Variants in TBCD observed in about 807,000 individuals in gnomAD.
TBCD encodes tubulin folding cofactor D, also known as tubulin-specific chaperone D.
A neutral mutation model predicts 169.3 loss-of-function variants in TBCD; 105 were observed. That is an observed-to-expected ratio of 0.62 (90% CI 0.53 to 0.73). TBCD has a LOEUF of 0.73. Ranked by LOEUF, TBCD falls within the 30% of genes least tolerant of loss-of-function variation. TBCD has a pLI of 0.00. For missense variants in TBCD, 1,444 were observed against 1,600.1 expected (o/e 0.90, Z 1.66); for synonymous variants, 700 against 643.9 (o/e 1.09, Z -1.32).
At chr17:82,777,320 G>C (rs2048660482) in intron 6 of TBCD, among the ~76,000 whole-genome samples, 1 of 152,194 alleles carries the variant, frequency 6.6e-6, no homozygotes. Context: ...CACAAGGTCG[G>C]TGGGTTTCTC....
Position 82,927,330 on chromosome 17 carries a change from A to C in TBCD, c.2609+7A>C. On this transcript the variant is annotated splice_region_variant and intron_variant, in intron 29 of 38. Transcript: ENST00000355528. Reference sequence around the variant, plus strand: ...GAGGGGACGTGGGCACCTGGTACGTACGTAGCAGTGGGTGAGCGCTTCTTC... The same window carrying C: ...GAGGGGACGTGGGCACCTGGTACGTCCGTAGCAGTGGGTGAGCGCTTCTTC... 6.2e-7 allele frequency: 1 copy of C among 1,613,132 alleles called. No homozygotes were observed. Among genetic ancestry groups the C allele is most frequent in the Non-Finnish European group, 8.5e-7 (1 of 1,179,494 alleles).
intron 15 of TBCD, among the ~76,000 whole-genome samples, chr17:82,888,694 G>GGGGGTGGGGGCACAGACCC (rs1218037689): frequency 5.9e-5 from 9 of 151,960 alleles, no homozygotes; most frequent in Non-Finnish European, 1.3e-4. Flanking sequence ...CTTTTCCCTG[G>GGGGGTGGGGGCACAGACCC]GGGGTGGGGG....
intron 20 of TBCD, among the ~76,000 whole-genome samples, chr17:82,906,781 C>G (rs1230017077): frequency 1.3e-5 from 2 of 152,392 alleles, no homozygotes; most frequent in Non-Finnish European, 2.9e-5. Context: ...TGAGGAAGCT[C>G]TGGTCGGCCC....
chr17:82,823,221 G>C (rs2052557465), intron 13 of TBCD, among the ~76,000 whole-genome samples: 1 of 152,188 alleles, frequency 6.6e-6, no homozygotes, highest in South Asian at 2.1e-4. Context: ...TGTCTGTCCA[G>C]CCCTGGCTGT....
intron 21 of TBCD, 93 bp downstream of exon 21, chr17:82,907,914 C>G: frequency 7.4e-7 from 1 of 1,344,200 alleles, no homozygotes; most frequent in Non-Finnish European, 1.0e-6. Context: ...GTCTGCAGTC[C>G]TGGTGGCCAC....
At chr17:82,866,889 G>A (rs2057211473) in intron 13 of TBCD, among the ~76,000 whole-genome samples, 1 of 152,272 alleles carries the variant, frequency 6.6e-6, no homozygotes, top group African/African-American at 2.4e-5. Flanking sequence ...AGACAGAGGA[G>A]TGCGCCAGGT....
chr17:82,849,440 C>G (rs1481128977), intron 13 of TBCD, among the ~76,000 whole-genome samples: 1 of 152,232 alleles, frequency 6.6e-6, no homozygotes, highest in Non-Finnish European at 1.5e-5. Flanking sequence ...ATTTCCAGAC[C>G]TTGGTTTTGG....
intron 14 of TBCD, among the ~76,000 whole-genome samples, chr17:82,882,510 C>T (rs952932077): frequency 1.3e-5 from 2 of 152,198 alleles, no homozygotes; most frequent in African/African-American, 4.8e-5. Context: ...TCAGCATCCC[C>T]GAGCCCATGC....
chr17:82,940,625 T>TA (rs2063113707), intron 37 of TBCD, among the ~76,000 whole-genome samples: 1 of 151,320 alleles, frequency 6.6e-6, no homozygotes, highest in Non-Finnish European at 1.5e-5. Flanking sequence ...TGGGGAGGAG[T>TA]GTGTGTCTGC....
chr17:82,852,352 G>A (rs1262999009), intron 13 of TBCD, among the ~76,000 whole-genome samples: 1 of 152,098 alleles, frequency 6.6e-6, no homozygotes, highest in Non-Finnish European at 1.5e-5. Context: ...TCCATCGTGT[G>A]GCATCTTAGT....
At chr17:82,909,056 T>G (rs1053283684) in intron 21 of TBCD, among the ~76,000 whole-genome samples, 1 of 152,166 alleles carries the variant, frequency 6.6e-6, no homozygotes, top group Non-Finnish European at 1.5e-5. Context: ...CTCCTCCCTC[T>G]CTCTGTGCCT....
intron 13 of TBCD, chr17:82,860,454 G>A: frequency 2.0e-6 from 2 of 985,328 alleles, no homozygotes; most frequent in Non-Finnish European, 2.4e-6. Flanking sequence ...ACCACGGTGG[G>A]TTTCATTAAC....
intron 19 of TBCD, among the ~76,000 whole-genome samples, chr17:82,905,202 C>T (rs1204455844): frequency 2.0e-5 from 3 of 152,208 alleles, no homozygotes; most frequent in East Asian, 3.8e-4. Flanking sequence ...GCCCAGGCAG[C>T]CAGGCAGAGC....
Position 82,768,411 on chromosome 17 carries a change from A to G in TBCD, c.436-9A>G. ...CAAGACTCATTCTTCCCGTGGTTTA[A>G]TTTTTTAGGCTTGGGAAACCCGCTA... On this transcript the variant is annotated splice_polypyrimidine_tract_variant and intron_variant, in intron 4 of 38. Coordinates refer to ENST00000355528, the MANE Select transcript of TBCD (RefSeq NM_005993.5). 1 of 1,613,550 alleles carries G rather than the reference A, an allele frequency of 6.2e-7. No homozygotes were observed. Among genetic ancestry groups the G allele is most frequent in the South Asian group, 1.1e-5 (1 of 91,052 alleles).
At chr17:82,928,877 A>G (rs1026098132) in intron 30 of TBCD, among the ~76,000 whole-genome samples, 9 of 152,126 alleles carry the variant, frequency 5.9e-5, no homozygotes, top group African/African-American at 2.2e-4. Flanking sequence ...AGTACGTAGC[A>G]TGTATTTGCT....
intron 12 of TBCD, among the ~76,000 whole-genome samples, chr17:82,812,273 TCG>T (rs1303538332): frequency 1.3e-5 from 2 of 152,156 alleles, no homozygotes; most frequent in African/African-American, 4.8e-5. Context: ...TCTGAGACAC[TCG>T]GTGTGGAGCG....
chr17:82,939,457 G>T lies in TBCD; in HGVS notation c.3460G>T (p.Val1154Leu). The change falls in exon 37 of 39, where the codon GTG (valine) becomes TTG (leucine). Residue 1154 changes from valine to leucine, a missense_variant. By Grantham distance (32) the Val-to-Leu change is conservative. Transcript: ENST00000355528. Reference protein sequence around the residue: ...GADVLDEVVTVLSDTAWDAEL... With the variant: ...GADVLDEVVTLLSDTAWDAEL... ...GGATGTGCTGGACGAGGTGGTGACT[G>T]TGCTCAGTGACACTGCGTGGTGAGT... 6.2e-7 allele frequency: 1 copy of T among 1,613,462 alleles called. No homozygotes were observed.
At chr17:82,758,750 C>T (rs1204938330) in intron 2 of TBCD, among the ~76,000 whole-genome samples, 1 of 147,986 alleles carries the variant, frequency 6.8e-6, no homozygotes, top group Non-Finnish European at 1.5e-5. Flanking sequence ...ACTTCTGCCT[C>T]CAGGGTTCAA....
intron 15 of TBCD, among the ~76,000 whole-genome samples, chr17:82,885,734 TG>T (rs1459406652): frequency 2.0e-5 from 3 of 152,202 alleles, no homozygotes; most frequent in African/African-American, 7.2e-5. Context: ...CTATGAACCC[TG>T]AATATGAAGT....
Sources: allele counts gnomAD v4.1 joint callset (sites outside exome capture counted in the v4.1 genomes callset), GRCh38; gene constraint gnomAD v4.1.1; transcripts MANE v1.5; gene names NCBI Gene and HGNC (gene_info 2026-07-23, HGNC 2026-07-21).